NR2F1-AS1: variants seen among roughly 807,000 people sequenced by gnomAD.
The protein encoded by NR2F1-AS1 is NR2F1 regulatory antisense RNA 1, also known as NR2F1 antisense RNA 1.
intron 4 of NR2F1-AS1, among the ~76,000 whole-genome samples, chr5:93,500,157 T>G (rs1474726362): frequency 1.3e-5 from 2 of 152,242 alleles, no homozygotes; most frequent in African/African-American, 4.8e-5. Flanking sequence ...ATATTTTCAA[T>G]GTAGATGAAA....
chr5:93,481,176 A>G (rs1050720663), intron 4 of NR2F1-AS1, among the ~76,000 whole-genome samples: 70 of 152,212 alleles, frequency 4.6e-4, no homozygotes, highest in African/African-American at 1.6e-3. Context: ...ATAGAAAAAA[A>G]TATTCCATGC....
chr5:93,582,300 T>C (rs1280402280), upstream of NR2F1-AS1, among the ~76,000 whole-genome samples: 1 of 150,738 alleles, frequency 6.6e-6, no homozygotes, highest in Non-Finnish European at 1.5e-5. Context: ...GAAGGAAAAA[T>C]TGGATTGATT....
intron 4 of NR2F1-AS1, among the ~76,000 whole-genome samples, chr5:93,475,817 C>G (rs1371640555): frequency 1.3e-5 from 2 of 152,152 alleles, no homozygotes; most frequent in African/African-American, 2.4e-5. Context: ...TGACCCCCCA[C>G]GTTCACTGTA....
chr5:93,576,089 A>G (rs1752887891), intron 1 of NR2F1-AS1, among the ~76,000 whole-genome samples: 1 of 152,256 alleles, frequency 6.6e-6, no homozygotes, highest in South Asian at 2.1e-4. Context: ...TTGCTGATCC[A>G]GAGAGAAAAT....
chr5:93,581,668 GTCTCTC>G (rs1232503527), upstream of NR2F1-AS1, among the ~76,000 whole-genome samples: 4 of 32,124 alleles, frequency 1.2e-4, no homozygotes, highest in African/African-American at 9.4e-5. Flanking sequence ...CGGGGTCTCG[GTCTCTC>G]TCTCTCTCTC....
rs565935394 is a variant in NR2F1-AS1 at position 93,534,940 on chromosome 5, A to C, written n.638+18821T>G. Among the ~76,000 whole-genome samples, 49 of 152,344 alleles carry C rather than the reference A, an allele frequency of 3.2e-4. 1 individual carries two copies. The South Asian group carries it at 8.9e-3, about 28-fold the overall frequency. ...TTCTCCATTGTCACTGTTTGTCCAA[A>C]AGCCAAAAACTATCTGTTTCAGAAA... is the stretch of plus-strand genomic sequence containing the variant. On this transcript the variant is annotated intron_variant and non_coding_transcript_variant, in intron 4 of 5. Transcript: ENST00000660523.
chr5:93,519,044 T>C (rs949099437), intron 4 of NR2F1-AS1, among the ~76,000 whole-genome samples: 3 of 152,072 alleles, frequency 2.0e-5, no homozygotes, highest in Non-Finnish European at 2.9e-5. Flanking sequence ...AGTCAGCACA[T>C]AAGAAAAATT....
chr5:93,448,179 C>A (rs541055898), intron 4 of NR2F1-AS1, among the ~76,000 whole-genome samples: 1 of 152,114 alleles, frequency 6.6e-6, no homozygotes, highest in African/African-American at 2.4e-5. Context: ...GCACATGTAC[C>A]CTAGAACTTA....
At chr5:93,428,537 G>A (rs1749241875) in intron 4 of NR2F1-AS1, among the ~76,000 whole-genome samples, 1 of 152,086 alleles carries the variant, frequency 6.6e-6, no homozygotes, top group African/African-American at 2.4e-5. Flanking sequence ...ACCTGAATAG[G>A]TTGTGCTTAG....
intron 4 of NR2F1-AS1, among the ~76,000 whole-genome samples, chr5:93,425,553 C>T (rs915223045): frequency 1.3e-5 from 2 of 152,180 alleles, no homozygotes; most frequent in African/African-American, 4.8e-5. Flanking sequence ...ACTGTTTTTA[C>T]AATCAACCAA....
intron 4 of NR2F1-AS1, among the ~76,000 whole-genome samples, chr5:93,466,393 C>G (rs907304170): frequency 6.6e-6 from 1 of 151,252 alleles, no homozygotes; most frequent in Non-Finnish European, 1.5e-5. Context: ...AGTGCAGTGG[C>G]GCACTCAATC....
chr5:93,514,893 T>C (rs1326776441), intron 4 of NR2F1-AS1, among the ~76,000 whole-genome samples: 1 of 152,020 alleles, frequency 6.6e-6, no homozygotes, highest in Admixed American at 6.6e-5. Context: ...ACAGTATAAA[T>C]AGTCCATGTA....
rs147205049 is a variant in NR2F1-AS1 at position 93,413,508 on chromosome 5, T to A, written n.639-17966A>T. 1.2e-3 allele frequency among the ~76,000 whole-genome samples: 178 copies of A among 152,274 alleles called. 1 individual carries two copies. The highest frequency in any genetic ancestry group is 3.9e-3 in the African/African-American group (162 of 41,568). On this transcript the variant is annotated intron_variant and non_coding_transcript_variant, in intron 4 of 5. Coordinates refer to ENST00000660523, the Ensembl canonical transcript of NR2F1-AS1. ...TGGATTGCTTCTTTCTACTTCCACATGGCCGGTGTGATAAAACTGGACTGA... is the reference window on the plus strand; with the variant it reads ...TGGATTGCTTCTTTCTACTTCCACAAGGCCGGTGTGATAAAACTGGACTGA...
Position 93,541,281 on chromosome 5 carries a change from C to T in NR2F1-AS1, n.638+12480G>A, listed in dbSNP as rs564593618. 2.6e-4 allele frequency among the ~76,000 whole-genome samples: 39 copies of T among 152,262 alleles called. 1 individual carries two copies. In the South Asian group the frequency reaches 8.1e-3, roughly 32 times the overall value. The stretch of plus-strand genomic sequence containing the variant: ...TCACTCCTCCCATGTGATAAGCAGG[C>T]CCACCATAAAGTTTCTGAGGCTTCC... On this transcript the variant is annotated intron_variant and non_coding_transcript_variant, in intron 4 of 5. Coordinates refer to ENST00000660523, the Ensembl canonical transcript of NR2F1-AS1.
intron 4 of NR2F1-AS1, among the ~76,000 whole-genome samples, chr5:93,492,807 C>A (rs886070139): frequency 3.3e-5 from 5 of 150,806 alleles, no homozygotes; most frequent in African/African-American, 1.2e-4. Flanking sequence ...TCAATACATG[C>A]AGAAGGAGTA....
intron 4 of NR2F1-AS1, chr5:93,410,656 C>T (rs1349859002): frequency 6.6e-6 from 1 of 152,210 alleles, no homozygotes; most frequent in East Asian, 1.9e-4. Flanking sequence ...AATTGTCTTC[C>T]AGGAAACTGA....
intron 4 of NR2F1-AS1, among the ~76,000 whole-genome samples, chr5:93,475,809 AC>A (rs1389624701): frequency 6.6e-6 from 1 of 151,984 alleles, no homozygotes; most frequent in Admixed American, 6.6e-5. Flanking sequence ...TACAGCCTTG[AC>A]CCCCCACGTT....
intron 4 of NR2F1-AS1, among the ~76,000 whole-genome samples, chr5:93,481,495 G>A (rs2149875218): frequency 6.6e-6 from 1 of 152,020 alleles, no homozygotes; most frequent in African/African-American, 2.4e-5. Flanking sequence ...TTTAGTAATG[G>A]ATAGAACACA....
At chr5:93,425,487 G>A (rs1336823239) in intron 4 of NR2F1-AS1, among the ~76,000 whole-genome samples, 3 of 152,156 alleles carry the variant, frequency 2.0e-5, no homozygotes, top group African/African-American at 7.2e-5. Flanking sequence ...CCTCTTAATG[G>A]ATGGATCTGC....
Sources: gnomAD v4.1 joint callset for allele counts (sites outside exome capture counted in the v4.1 genomes callset) on GRCh38, gnomAD v4.1.1 for gene constraint, MANE v1.5 for transcripts, NCBI Gene and HGNC (gene_info 2026-07-23, HGNC 2026-07-21) for gene names.